The following DHRSX variants were observed in gnomAD, a reference collection of about 807,000 sequenced individuals.
DHRSX encodes the protein polyprenol dehydrogenase.
A neutral mutation model predicts 34.0 loss-of-function variants in DHRSX; 31 were observed. The observed-to-expected ratio is 0.91, with a 90% CI of 0.69 to 1.23. The LOEUF (loss-of-function observed/expected upper bound fraction) is 1.23. DHRSX is among the 50% of genes most tolerant of loss of function. DHRSX has a pLI of 0.00. For missense variants in DHRSX, 414 were observed against 428.1 expected (o/e 0.97, Z 0.29); for synonymous variants, 201 against 183.8 (o/e 1.09, Z -0.76).
intron 3 of DHRSX, among the ~76,000 whole-genome samples, chrX:2,353,644 C>T (rs947625932): frequency 3.4e-5 from 5 of 145,692 alleles, no homozygotes; most frequent in Non-Finnish European, 6.0e-5. Context: ...AGTGCAATGG[C>T]GCGATCTCGG....
Position 2,243,246 on chromosome X carries a change from G to C in DHRSX, c.597-16C>G, listed in dbSNP as rs1268419050. 5.0e-6 allele frequency: 8 copies of C among 1,596,642 alleles called. No homozygotes were observed. Among genetic ancestry groups the C allele is most frequent in the African/African-American group, 3.3e-5 (2 of 61,326 alleles). Reference sequence around the variant, plus strand: ...GTAGCAGGCACTGTGGGGCAAGCAGGAGAAGGTGTAAGAGGCTGACGGCGT... The same window carrying C: ...GTAGCAGGCACTGTGGGGCAAGCAGCAGAAGGTGTAAGAGGCTGACGGCGT... On this transcript the variant is annotated splice_polypyrimidine_tract_variant and intron_variant, in intron 5 of 6. Coordinates refer to ENST00000334651, the MANE Select transcript of DHRSX (RefSeq NM_145177.3).
intron 1 of DHRSX, among the ~76,000 whole-genome samples, chrX:2,433,626 C>A (rs1437968717): frequency 6.6e-6 from 1 of 152,040 alleles, no homozygotes; most frequent in Non-Finnish European, 1.5e-5. Context: ...CACTGTTCAG[C>A]TCCTACTTGT....
At chrX:2,238,669 C>T (rs113189420) in intron 6 of DHRSX, among the ~76,000 whole-genome samples, 4,042 of 151,590 alleles carry the variant, frequency 0.027, 198 homozygotes, top group African/African-American at 0.093. Context: ...CTGCAACCTC[C>T]GCCTCCCAGG....
At position 2,439,286 on chromosome X, in the gene DHRSX, AAG is replaced by A. The variant is rs201028991; in HGVS notation, c.110-13984_110-13983del. On this transcript the variant is annotated intron_variant, in intron 1 of 6. Transcript: ENST00000334651. ...TCTACGAGAATTGGACTGCAGAGGA[AAG>A]AGAGGGAGAGAGCAGCTGGAGCTTC... Among the ~76,000 whole-genome samples, 932 of 152,070 alleles carry A rather than the reference AAG, an allele frequency of 6.1e-3. 10 individuals are homozygous for A. The highest frequency in any genetic ancestry group is 0.021 in the African/African-American group (886 of 41,478).
At chrX:2,231,948 C>T (rs1394192728) in intron 6 of DHRSX, among the ~76,000 whole-genome samples, 2 of 135,776 alleles carry the variant, frequency 1.5e-5, no homozygotes, top group Admixed American at 7.4e-5. Flanking sequence ...CTTCTCTCCT[C>T]CTTCTCTTTT....
intron 6 of DHRSX, among the ~76,000 whole-genome samples, chrX:2,235,543 G>C (rs1388331322): frequency 1.3e-5 from 2 of 151,534 alleles, no homozygotes; most frequent in Non-Finnish European, 2.9e-5. Context: ...AAGAGATCAA[G>C]ACCATCCCGG....
At chrX:2,231,950 TTC>T (rs373868642) in intron 6 of DHRSX, among the ~76,000 whole-genome samples, 116 of 149,350 alleles carry the variant, frequency 7.8e-4, no homozygotes, top group African/African-American at 2.9e-3. Flanking sequence ...TCTCTCCTCC[TTC>T]TCTTTTCTTT....
In DHRSX at chrX:2,302,132, C is replaced by T. The variant is rs1189638216; in HGVS notation, c.287-10529G>A. Among the ~76,000 whole-genome samples, 8 of 152,188 alleles carry T rather than the reference C, an allele frequency of 5.3e-5. No individual in the cohort carries two copies. The East Asian group carries it at 1.5e-3, about 29-fold the overall frequency. On this transcript the variant is annotated intron_variant, in intron 3 of 6. Transcript: ENST00000334651. ...AATAACACAACATCCAAGAGTCAGCCAAACGTGGCAGCCAAAAGTGCTCCT... is the reference window on the plus strand; with the variant it reads ...AATAACACAACATCCAAGAGTCAGCTAAACGTGGCAGCCAAAAGTGCTCCT...
intron 1 of DHRSX, among the ~76,000 whole-genome samples, chrX:2,429,708 G>A (rs770189760): frequency 1.6e-4 from 24 of 151,696 alleles, no homozygotes; most frequent in African/African-American, 4.8e-4. Context: ...CTCCCACCCC[G>A]GCCTCCCAAA....
chrX:2,420,017 TACAGCAGCCCAAACACACCAAGACAGGAG>T (rs2043755535), intron 2 of DHRSX, among the ~76,000 whole-genome samples: 1 of 152,142 alleles, frequency 6.6e-6, no homozygotes. Context: ...GCACTCAGGC[TACAGCAGCCCAAACACACCAAGACAGGAG>T]AGTTAGGGAC....
chrX:2,342,011 G>A (rs2042646924), intron 3 of DHRSX, among the ~76,000 whole-genome samples: 1 of 152,024 alleles, frequency 6.6e-6, no homozygotes, highest in Admixed American at 6.6e-5. Flanking sequence ...TCACCATGTT[G>A]GCCAGGCTGG....
intron 5 of DHRSX, among the ~76,000 whole-genome samples, chrX:2,247,926 TCCC>T (rs1428923527): frequency 2.0e-5 from 3 of 150,684 alleles, no homozygotes; most frequent in Non-Finnish European, 3.0e-5. Flanking sequence ...AAAGCACCTT[TCCC>T]CCAAGGCCAG....
At chrX:2,479,270 GAA>G (rs2044731899) in intron 1 of DHRSX, among the ~76,000 whole-genome samples, 1 of 151,614 alleles carries the variant, frequency 6.6e-6, no homozygotes, top group Non-Finnish European at 1.5e-5. Context: ...TGTACACACT[GAA>G]GACATTCCCT....
chrX:2,425,624 A>C (rs913877149), intron 1 of DHRSX, among the ~76,000 whole-genome samples: 6 of 152,214 alleles, frequency 3.9e-5, no homozygotes, highest in East Asian at 1.9e-4. Flanking sequence ...AGAGGCGAGC[A>C]AGAATCCTGG....
In DHRSX at chrX:2,243,237, G is replaced by A. The variant is rs746671225; in HGVS notation, c.597-7C>T. 3.7e-6 allele frequency: 6 copies of A among 1,612,320 alleles called. No individual in the cohort carries two copies. The African/African-American group carries it at 5.4e-5, about 14-fold the overall frequency. ...GTGGGGTGAGTAGCAGGCACTGTGG[G>A]GCAAGCAGGAGAAGGTGTAAGAGGC... On this transcript the variant is annotated splice_region_variant and splice_polypyrimidine_tract_variant and intron_variant, in intron 5 of 6. Transcript: ENST00000334651.
At chrX:2,486,008 G>A (rs1366401583) in intron 1 of DHRSX, among the ~76,000 whole-genome samples, 1 of 151,850 alleles carries the variant, frequency 6.6e-6, no homozygotes, top group East Asian at 1.9e-4. Context: ...CCATGTGAGA[G>A]GAGGTGAGGA....
chrX:2,237,160 T>C (rs1302585812), intron 6 of DHRSX, among the ~76,000 whole-genome samples: 1 of 152,102 alleles, frequency 6.6e-6, no homozygotes, highest in Non-Finnish European at 1.5e-5. Flanking sequence ...CACTCCAGCC[T>C]GGGCAACAGA....
intron 1 of DHRSX, among the ~76,000 whole-genome samples, chrX:2,479,432 G>A (rs767593607): frequency 5.6e-5 from 8 of 143,550 alleles, no homozygotes; most frequent in African/African-American, 1.6e-4. Context: ...ACGACATTCC[G>A]TAAGAATATG....
chrX:2,490,855 G>A (rs747288884), intron 1 of DHRSX: 128 of 1,284,082 alleles, frequency 1.0e-4, no homozygotes, highest in South Asian at 6.5e-4. Flanking sequence ...ACAGGGTGCC[G>A]GGGCAGCTCC....
Sources: gnomAD v4.1 joint callset for allele counts (sites outside exome capture counted in the v4.1 genomes callset) on GRCh38, gnomAD v4.1.1 for gene constraint, MANE v1.5 for transcripts, NCBI Gene and HGNC (gene_info 2026-07-23, HGNC 2026-07-21) for gene names.